OPHN1: variants seen among roughly 807,000 people sequenced by gnomAD.
OPHN1 encodes oligophrenin-1.
Under a neutral mutation model 60.7 loss-of-function variants are expected in OPHN1, and 11 were observed. The observed-to-expected ratio is 0.18, with a 90% confidence interval of 0.11 to 0.30. The LOEUF (loss-of-function observed/expected upper bound fraction) is 0.30, where lower values mean the gene tolerates loss of function less well. Ranked by LOEUF, OPHN1 falls within the 10% of genes least tolerant of loss-of-function variation. The probability of loss-of-function intolerance (pLI) is 1.00; values close to 1 mark genes in which losing one functional copy is unlikely to be tolerated. For synonymous variants in OPHN1, 226 were observed against 222.6 expected, an observed-to-expected ratio of 1.02 and a Z score of -0.14; for missense variants, 449 against 611.0, an observed-to-expected ratio of 0.73 and a Z score of 2.80.
chrX:68,061,148 GC>G (rs746902615), intron 21 of OPHN1, among the ~76,000 whole-genome samples: 13 of 112,237 alleles, frequency 1.2e-4, no homozygotes, highest in Non-Finnish European at 2.4e-4. Flanking sequence ...CATCGTGCCA[GC>G]CTGTTGCTAA....
chrX:68,057,107 C>T (rs1356808084), intron 21 of OPHN1, among the ~76,000 whole-genome samples: 1 of 111,779 alleles, frequency 8.9e-6, no homozygotes, highest in African/African-American at 3.3e-5. Flanking sequence ...TGAAAAGTAA[C>T]TTCATAGTTG....
intron 16 of OPHN1, among the ~76,000 whole-genome samples, chrX:68,114,203 T>C (rs1397565764): frequency 9.0e-6 from 1 of 111,001 alleles, no homozygotes; most frequent in Admixed American, 9.6e-5. Flanking sequence ...CTAATAATTA[T>C]AAGAATAGCA....
chrX:68,359,180 C>G (rs976321122), intron 2 of OPHN1, among the ~76,000 whole-genome samples: 5 of 111,732 alleles, frequency 4.5e-5, no homozygotes, highest in Non-Finnish European at 5.6e-5. Context: ...TCATACCTCT[C>G]AATATTTTTT....
rs1422152452 is a variant in OPHN1, at chrX:68,070,589, C to T, written c.1834+2563G>A. On this transcript the variant is annotated intron_variant, in intron 20 of 24. Transcript: ENST00000355520. Reference sequence around the variant, plus strand: ...CCAGGAGCTCTAAACTGGCACCACCCGTAGTGCTCACATGTCTGATTTTAT... The same window carrying T: ...CCAGGAGCTCTAAACTGGCACCACCTGTAGTGCTCACATGTCTGATTTTAT... 78 of 652,600 alleles carry T rather than the reference C, an allele frequency of 1.2e-4. No homozygotes were observed. In the South Asian group the frequency reaches 1.5e-3, roughly 13 times the overall value. The allele number at this position is 652,600 out of a possible 1,213,427, so 53.8% of individuals were successfully genotyped here.
At chrX:68,321,336 G>A (rs1209290005) in intron 2 of OPHN1, among the ~76,000 whole-genome samples, 1 of 111,867 alleles carries the variant, frequency 8.9e-6, no homozygotes, top group Non-Finnish European at 1.9e-5. Context: ...CTCAAAGACC[G>A]AATACATATT....
intron 2 of OPHN1, among the ~76,000 whole-genome samples, chrX:68,404,423 G>T (rs772320306): frequency 9.0e-6 from 1 of 111,337 alleles, no homozygotes; most frequent in African/African-American, 3.3e-5. Flanking sequence ...CTCCCAAAGT[G>T]CTGGGATTAC....
intron 5 of OPHN1, among the ~76,000 whole-genome samples, chrX:68,235,038 A>G (rs1323503201): frequency 8.9e-6 from 1 of 112,228 alleles, no homozygotes; most frequent in African/African-American, 3.2e-5. Context: ...AAACATTTCC[A>G]AAGAAATAGG....
At chrX:68,193,222 T>C (rs1232424302) in intron 14 of OPHN1, among the ~76,000 whole-genome samples, 4 of 111,871 alleles carry the variant, frequency 3.6e-5, no homozygotes, top group Admixed American at 9.5e-5. Context: ...ACAAACTCTA[T>C]AGTAAATAGA....
intron 20 of OPHN1, chrX:68,070,839 C>A: frequency 8.5e-7 from 1 of 1,175,394 alleles, no homozygotes; most frequent in Non-Finnish European, 1.2e-6. Flanking sequence ...AGTCCAAGCC[C>A]ATTCAGCCAG....
intron 18 of OPHN1, among the ~76,000 whole-genome samples, chrX:68,107,382 T>TG (rs1409427532): frequency 7.2e-5 from 8 of 111,821 alleles, no homozygotes; most frequent in Non-Finnish European, 1.5e-4. Flanking sequence ...ATACTGTGTG[T>TG]TTTTCTATAC....
intron 19 of OPHN1, among the ~76,000 whole-genome samples, chrX:68,089,578 C>T (rs2077008674): frequency 9.0e-6 from 1 of 111,399 alleles, no homozygotes; most frequent in Non-Finnish European, 1.9e-5. Context: ...ATCATTTTTA[C>T]TGTGATAATT....
intron 15 of OPHN1, among the ~76,000 whole-genome samples, chrX:68,170,856 A>T (rs898401986): frequency 9.3e-6 from 1 of 107,228 alleles, no homozygotes; most frequent in Non-Finnish European, 1.9e-5. Context: ...TGGGTGCAGC[A>T]CACCAGCATG....
At chrX:68,098,372 G>C (rs1347310597) in intron 18 of OPHN1, among the ~76,000 whole-genome samples, 1 of 111,578 alleles carries the variant, frequency 9.0e-6, no homozygotes, top group Non-Finnish European at 1.9e-5. Context: ...AACAGTCCTG[G>C]AGGCAGCCAA....
At chrX:68,227,351 G>T (rs992102581) in intron 6 of OPHN1, among the ~76,000 whole-genome samples, 3 of 110,712 alleles carry the variant, frequency 2.7e-5, no homozygotes, top group African/African-American at 9.9e-5. Flanking sequence ...AGATCAACGA[G>T]ACAGAAAGTT....
At chrX:68,213,206 A>G (rs1467242891) in intron 7 of OPHN1, among the ~76,000 whole-genome samples, 1 of 111,097 alleles carries the variant, frequency 9.0e-6, no homozygotes, top group African/African-American at 3.3e-5. Flanking sequence ...TTATCTCTAC[A>G]AAAACATACA....
intron 19 of OPHN1, among the ~76,000 whole-genome samples, chrX:68,085,784 T>C (rs1251510981): frequency 8.9e-6 from 1 of 111,917 alleles, no homozygotes; most frequent in Non-Finnish European, 1.9e-5. Flanking sequence ...AAAAGAAACC[T>C]AGCAAGCTCT....
chrX:68,274,235 C>A (rs1351039590), intron 5 of OPHN1, among the ~76,000 whole-genome samples: 2 of 111,905 alleles, frequency 1.8e-5, no homozygotes, highest in Non-Finnish European at 3.8e-5. Context: ...TTTATCTTGT[C>A]CAAGGCTCAG....
intron 15 of OPHN1, among the ~76,000 whole-genome samples, chrX:68,185,671 AG>A (rs1175490986): frequency 9.0e-6 from 1 of 110,816 alleles, no homozygotes; most frequent in African/African-American, 3.3e-5. Flanking sequence ...GAAGAATAAG[AG>A]AAAAAAAAAG....
chrX:68,320,987 C>T (rs1211582210), intron 2 of OPHN1, among the ~76,000 whole-genome samples: 1 of 112,282 alleles, frequency 8.9e-6, no homozygotes, highest in Non-Finnish European at 1.9e-5. Context: ...CCCTTCCCTA[C>T]TTGGGCATAC....
Sources: gnomAD v4.1 joint callset for allele counts (sites outside exome capture counted in the v4.1 genomes callset) on GRCh38, gnomAD v4.1.1 for gene constraint, MANE v1.5 for transcripts, NCBI Gene and HGNC (gene_info 2026-07-23, HGNC 2026-07-21) for gene names.